Variants in RUNX1 observed in about 807,000 individuals in gnomAD.
RUNX1 encodes RUNX family transcription factor 1, also known as runt-related transcription factor 1.
A neutral mutation model predicts 42.8 loss-of-function variants in RUNX1; 19 were observed. That is an observed-to-expected ratio of 0.44 (90% CI 0.31 to 0.65). The LOEUF is 0.65. RUNX1 is among the 30% of genes least tolerant of loss of function. The pLI is 0.07. For missense variants in RUNX1, 528 were observed against 672.0 expected (o/e 0.79, Z 2.37); for synonymous variants, 271 against 289.4 (o/e 0.94, Z 0.64).
intron 4 of RUNX1, among the ~76,000 whole-genome samples, chr21:34,885,930 GTGAT>G (rs2057978336): frequency 6.6e-6 from 1 of 152,194 alleles, no homozygotes; most frequent in African/African-American, 2.4e-5. Flanking sequence ...GTGTAGTAGG[GTGAT>G]TGTTTAGAAA....
intron 2 of RUNX1, among the ~76,000 whole-genome samples, chr21:35,021,721 A>T (rs2059199759): frequency 6.6e-6 from 1 of 152,214 alleles, no homozygotes; most frequent in African/African-American, 2.4e-5. Flanking sequence ...GCCTGCGCTG[A>T]CCTCATCTCT....
intron 2 of RUNX1, among the ~76,000 whole-genome samples, chr21:34,921,081 A>T (rs1038041865): frequency 6.6e-6 from 1 of 152,104 alleles, no homozygotes; most frequent in African/African-American, 2.4e-5. Context: ...CTGGTCTTAA[A>T]CAACTGACCT....
At chr21:34,921,695 C>A (rs944507222) in intron 2 of RUNX1, among the ~76,000 whole-genome samples, 48 of 152,162 alleles carry the variant, frequency 3.2e-4, no homozygotes, top group African/African-American at 1.1e-3. Flanking sequence ...GGCAGTGGCA[C>A]CATCTGGGCT....
intron 7 of RUNX1, among the ~76,000 whole-genome samples, chr21:34,816,472 G>T (rs1291446929): frequency 6.6e-6 from 1 of 152,060 alleles, no homozygotes; most frequent in African/African-American, 2.4e-5. Flanking sequence ...ACAGATGGTG[G>T]AAAATCATAG....
Position 35,038,447 on chromosome 21 carries a change from G to A in RUNX1, c.58+10395C>T, listed in dbSNP as rs747345381. 2.6e-4 allele frequency: 116 copies of A among 449,202 alleles called. 2 individuals carry two copies. Among genetic ancestry groups the A allele is most frequent in the East Asian group, 9.7e-4 (14 of 14,362 alleles). 27.8% of individuals were successfully genotyped at this position (449,202 alleles called of 1,614,324 possible). On this transcript the variant is annotated intron_variant, in intron 2 of 8. Transcript: ENST00000675419. ...ATAAAGGTCTGTAGAGAGAAGCTAC[G>A]TCCTGGTGAGCAGAGACATGACAGC...
intron 3 of RUNX1, 158 bp from the exon 4 acceptor site, chr21:34,887,254 G>GGGGGGGGGGGGGGGGGGA: frequency 7.5e-7 from 1 of 1,328,688 alleles, no homozygotes; most frequent in Non-Finnish European, 9.8e-7. Flanking sequence ...GGGGGGGGCG[G>GGGGGGGGGGGGGGGGGGA]GGGTGGTTAG....
At chr21:34,878,344 T>TAA (rs58465528) in intron 5 of RUNX1, among the ~76,000 whole-genome samples, 3 of 122,848 alleles carry the variant, frequency 2.4e-5, no homozygotes, top group African/African-American at 5.7e-5. Flanking sequence ...TAGCGCTGAC[T>TAA]AAAAAAAAAA....
At chr21:34,950,152 C>T (rs1271730624) in intron 2 of RUNX1, among the ~76,000 whole-genome samples, 1 of 152,164 alleles carries the variant, frequency 6.6e-6, no homozygotes, top group Non-Finnish European at 1.5e-5. Flanking sequence ...GAGACTGATA[C>T]AAAGTTAAGT....
At chr21:35,042,467 T>C (rs9653719) in intron 2 of RUNX1, among the ~76,000 whole-genome samples, 11,748 of 152,256 alleles carry the variant, frequency 0.077, 1,458 homozygotes, top group African/African-American at 0.26. Flanking sequence ...CCTTCCTCTC[T>C]GCTTCCCTCC....
chr21:34,842,492 C>CAAAAA (rs371971118), intron 6 of RUNX1, among the ~76,000 whole-genome samples: 2 of 52,204 alleles, frequency 3.8e-5, no homozygotes, highest in Admixed American at 2.7e-4. Flanking sequence ...GAGACCTCTC[C>CAAAAA]AAAAAAAAAA....
chr21:34,801,442 CATA>C (rs1353218192), intron 7 of RUNX1, among the ~76,000 whole-genome samples: 2 of 152,198 alleles, frequency 1.3e-5, no homozygotes, highest in African/African-American at 4.8e-5. Flanking sequence ...GCAAACGTTG[CATA>C]ATATTTCACA....
chr21:34,994,216 T>G (rs1184298191), intron 2 of RUNX1, among the ~76,000 whole-genome samples: 1 of 151,934 alleles, frequency 6.6e-6, no homozygotes, highest in East Asian at 1.9e-4. Flanking sequence ...ACCATTGCTA[T>G]TCATATATTT....
At chr21:34,930,268 A>ATGTGTGTG (rs141115974) in intron 2 of RUNX1, among the ~76,000 whole-genome samples, 1,678 of 120,968 alleles carry the variant, frequency 0.014, 94 homozygotes, top group African/African-American at 0.064. Flanking sequence ...GTGTGTGTGT[A>ATGTGTGTG]TGTATATATA....
chr21:35,031,993 A>G (rs4257458), intron 2 of RUNX1, among the ~76,000 whole-genome samples: 48,200 of 152,156 alleles, frequency 0.32, 7,967 homozygotes, highest in Non-Finnish European at 0.37. Context: ...GGATGTGGCT[A>G]TGGGCACAGA....
intron 5 of RUNX1, among the ~76,000 whole-genome samples, chr21:34,866,181 C>A (rs569248793): frequency 6.6e-6 from 1 of 152,298 alleles, no homozygotes; most frequent in South Asian, 2.1e-4. Context: ...ACAAAGGAGC[C>A]GTCTGCCCTG....
At chr21:34,892,120 T>G (rs1034072778) in intron 3 of RUNX1, among the ~76,000 whole-genome samples, 1 of 152,232 alleles carries the variant, frequency 6.6e-6, no homozygotes, top group African/African-American at 2.4e-5. Context: ...TCTAAAAGAA[T>G]TATTTCTATT....
intron 2 of RUNX1, among the ~76,000 whole-genome samples, chr21:34,951,158 T>G (rs879041350): frequency 6.6e-6 from 1 of 152,306 alleles, no homozygotes; most frequent in Admixed American, 6.5e-5. Context: ...AAGGGATAGT[T>G]CACATGGTGA....
At chr21:34,837,775 C>A (rs946301457) in intron 6 of RUNX1, among the ~76,000 whole-genome samples, 6 of 152,160 alleles carry the variant, frequency 3.9e-5, no homozygotes, top group African/African-American at 1.4e-4. Flanking sequence ...GCTTCTTCAG[C>A]ATGTTTGGAA....
At chr21:34,821,055 G>A (rs376306645) in intron 7 of RUNX1, among the ~76,000 whole-genome samples, 3 of 152,330 alleles carry the variant, frequency 2.0e-5, no homozygotes, top group South Asian at 4.1e-4. Context: ...TTGTGGAACA[G>A]TGGTTATGGG....
Sources: gnomAD v4.1 joint callset for allele counts (sites outside exome capture counted in the v4.1 genomes callset) on GRCh38, gnomAD v4.1.1 for gene constraint, MANE v1.5 for transcripts, NCBI Gene and HGNC (gene_info 2026-07-23, HGNC 2026-07-21) for gene names.